ITIH4: variants seen among roughly 807,000 people sequenced by gnomAD.
ITIH4 encodes inter-alpha-trypsin inhibitor heavy chain 4.
ITIH4 carries 79 observed loss-of-function variants against 111.8 expected under a neutral mutation model. That is an observed-to-expected ratio of 0.71 (90% CI 0.59 to 0.85). The LOEUF is 0.85. Among genes scored for constraint, ITIH4 ranks in the 40% least tolerant of loss-of-function variants. The pLI, the probability that ITIH4 is intolerant of heterozygous loss-of-function variation, is 0.00. For missense variants in ITIH4, 1,065 were observed against 1,195.8 expected (o/e 0.89, Z 1.61); for synonymous variants, 472 against 468.3 (o/e 1.01, Z -0.10).
chr3:52,824,956 G>A lies in ITIH4; in HGVS notation c.762C>T (p.Ile254=), dbSNP rs377222475. The A allele has an allele frequency of 3.7e-6, 6 of 1,606,352 alleles. No homozygotes were observed. The highest frequency in any genetic ancestry group is 4.3e-6 in the Non-Finnish European group (5 of 1,174,710). Residue 254 remains isoleucine, a splice_region_variant and synonymous_variant, in exon 7 of 24, where the codon ATC becomes ATT. Coordinates refer to ENST00000266041, the MANE Select transcript of ITIH4 (RefSeq NM_002218.5). This position sits in a 1 kb window ranked among gnomAD's most constrained non-coding sequence, Gnocchi z 4.3. ...AGTAGTGTACAAAGTAGCCGTTCTC[G>A]ATCTGTGGCCAGAGTGAGACCCACC... ...DRAISGGSIQ[I]ENGYFVHYFA... is the part of the protein sequence containing the mutation.
Position 52,823,858 on chromosome 3 carries a change from T to C in ITIH4, c.1318A>G (p.Ile440Val). 1.2e-6 allele frequency: 2 copies of C among 1,613,788 alleles called. No individual in the cohort carries two copies. The highest frequency in any genetic ancestry group is 1.7e-6 in the Non-Finnish European group (2 of 1,179,988). ...AGGGCAGAGTCTGAGTCCTCATGGA[T>C]GCGCCGGGCCAGGCCGCCATTGTCC... ...ALDNGGLARR[I>V]HEDSDSALQL... is the part of the protein sequence containing the mutation. The change falls in exon 10 of 24, where the codon ATC becomes GTC. Residue 440 changes from isoleucine (I) to valine (V), a missense_variant. Ile to Val is a conservative substitution (Grantham distance 29). Coordinates refer to ENST00000266041, the MANE Select transcript of ITIH4 (RefSeq NM_002218.5).
chr3:52,823,531 C>T (rs377128346), intron 11 of ITIH4, 25 bp downstream of exon 11: 7 of 1,568,688 alleles, frequency 4.5e-6, no homozygotes, highest in African/African-American at 1.3e-5. Context: ...CCATTCCCCT[C>T]CAGGGTGGCT....
intron 11 of ITIH4, among the ~76,000 whole-genome samples, chr3:52,822,084 C>T (rs1437000761): frequency 6.6e-6 from 1 of 152,236 alleles, no homozygotes; most frequent in Non-Finnish European, 1.5e-5. Context: ...TGGCTCACGC[C>T]TGTAATCCCA....
rs1483054592 is a variant in ITIH4, at chr3:52,824,336, A to C, written c.1046-21T>G. On this transcript the variant is annotated intron_variant, in intron 8 of 23. Transcript: ENST00000266041. This position sits in a 1 kb window ranked among gnomAD's most constrained non-coding sequence, Gnocchi z 4.3. ...GGTCCCTGAGGAACACGCACTCTCA[A>C]GGTGGTCCCCAGCCAGGAGCCCTGG... 5 of 1,612,192 alleles carry C rather than the reference A, an allele frequency of 3.1e-6. No homozygotes were observed. The highest frequency in any genetic ancestry group is 4.2e-6 in the Non-Finnish European group (5 of 1,178,560).
Position 52,830,447 on chromosome 3 carries a change from T to C in ITIH4, c.90+106A>G, listed in dbSNP as rs776099897. On this transcript the variant is annotated intron_variant, in intron 1 of 23. Transcript: ENST00000266041. ...CACCATTTTTTTGCACACACAGGGA[T>C]GCACACGCACTTGTGCTGACACGCT... is the stretch of plus-strand genomic sequence containing the variant. The C allele has an allele frequency of 8.3e-6, 9 of 1,079,528 alleles. No homozygotes were observed. The South Asian group carries it at 8.7e-5, about 10-fold the overall frequency. 66.9% of individuals were successfully genotyped at this position (1,079,528 alleles called of 1,614,324 possible).
Position 52,820,001 on chromosome 3 carries a change from G to C in ITIH4, c.1862-11C>G, listed in dbSNP as rs541033385. The C allele has an allele frequency of 5.0e-6, 8 of 1,613,986 alleles. No individual in the cohort carries two copies. The highest frequency in any genetic ancestry group is 1.3e-5 in the African/African-American group (1 of 75,064). ...TGAAGAAAGTGGAACCTGGAAATCA[G>C]TGGGACCTGGGTTTGCATCTTGCAC... On this transcript the variant is annotated splice_polypyrimidine_tract_variant and intron_variant, in intron 14 of 23. Transcript: ENST00000266041.
chr3:52,821,055 T>C lies in ITIH4; in HGVS notation c.1615A>G (p.Ile539Val). Residue 539 changes from isoleucine to valine, a missense_variant, in exon 12 of 24, where the codon ATC (isoleucine) becomes GTC (valine). Physicochemically the swap from Ile to Val is conservative, Grantham distance 29. Coordinates refer to ENST00000266041, the MANE Select transcript of ITIH4 (RefSeq NM_002218.5). ...AGCCTCTCCATGAAGTTGTGGAAGA[T>C]ATACTTGGGGCTCTGGAACTCCGCC... ...QEAEFQSPKY[I>V]FHNFMERLWA... is the part of the protein sequence containing the mutation. 4 of 1,614,056 alleles carry C rather than the reference T, an allele frequency of 2.5e-6. No homozygotes were observed. Among genetic ancestry groups the C allele is most frequent in the Non-Finnish European group, 3.4e-6 (4 of 1,180,028 alleles).
chr3:52,830,322 G>GT, intron 1 of ITIH4: 1 of 623,634 alleles, frequency 1.6e-6, no homozygotes, highest in South Asian at 1.5e-5. Context: ...TTGTAAAACT[G>GT]TATTTCCTCA....
At chr3:52,814,416 C>A (rs1700243430) in intron 21 of ITIH4, 53 bp from the exon 22 acceptor site, 3 of 1,534,176 alleles carry the variant, frequency 2.0e-6, no homozygotes, top group Admixed American at 1.7e-5. Flanking sequence ...GTGCACAGAA[C>A]CTCAGTAGTC....
intron 2 of ITIH4, among the ~76,000 whole-genome samples, chr3:52,828,083 T>G (rs1296541758): frequency 6.6e-6 from 1 of 152,202 alleles, no homozygotes; most frequent in Admixed American, 6.5e-5. Context: ...GGGTAGGCAG[T>G]GCTTCATCTC....
At position 52,820,505 on chromosome 3, in the gene ITIH4, GA is replaced by G. The variant is rs1258912317; in HGVS notation, c.1834+125del. The G allele has an allele frequency of 4.8e-6, 6 of 1,262,516 alleles. No homozygotes were observed. The Admixed American group carries it at 1.1e-4, about 23-fold the overall frequency. The allele number at this position is 1,262,516 out of a possible 1,614,324, so 78.2% of individuals were successfully genotyped here. On this transcript the variant is annotated intron_variant, in intron 13 of 23. Transcript: ENST00000266041. ...CACTTTCCTCATCAGTGAATAGGCTGAATCTCCCAGGGGGAGTCTGTTGGGG... is the reference window on the plus strand; with the variant it reads ...CACTTTCCTCATCAGTGAATAGGCTGATCTCCCAGGGGGAGTCTGTTGGGG...
chr3:52,813,434 G>A lies in ITIH4; in HGVS notation c.2780C>T (p.Ser927Phe). The A allele has an allele frequency of 6.2e-7, 1 of 1,614,108 alleles. No individual in the cohort carries two copies. The highest frequency in any genetic ancestry group is 8.5e-7 in the Non-Finnish European group (1 of 1,179,980). Residue 927 changes from serine to phenylalanine, a missense_variant, in exon 24 of 24, where the codon TCT (serine) becomes TTT (phenylalanine). Ser to Phe is a radical substitution (Grantham distance 155). Coordinates refer to ENST00000266041, the MANE Select transcript of ITIH4 (RefSeq NM_002218.5). The part of the protein sequence containing the change: ...GPPGVEISCW[S>F]VEL Reference sequence around the variant, plus strand: ...CTTCCATCAGAACTACAGCTCCACAGACCAGCAGGAAATCTCCACTCCCGG... The same window carrying A: ...CTTCCATCAGAACTACAGCTCCACAAACCAGCAGGAAATCTCCACTCCCGG...
intron 11 of ITIH4, 34 bp from the exon 12 acceptor site, chr3:52,821,164 T>C (rs1207847468): frequency 1.2e-6 from 2 of 1,601,656 alleles, no homozygotes; most frequent in Admixed American, 3.4e-5. Flanking sequence ...GCAGGAGCAG[T>C]GAGGGCCGGA....
Position 52,813,189 on chromosome 3 carries a change from T to A in ITIH4, c.*232A>T, listed in dbSNP as rs1157179685. ...TTCCTGGCCATGGGCTCTTGAGAGCTGACAGTGGAAGCTTCTGTGTTCCAC... is the reference window on the plus strand; with the variant it reads ...TTCCTGGCCATGGGCTCTTGAGAGCAGACAGTGGAAGCTTCTGTGTTCCAC... On this transcript the variant is annotated 3_prime_UTR_variant, in exon 24 of 24. Coordinates refer to ENST00000266041, the MANE Select transcript of ITIH4 (RefSeq NM_002218.5). 1.9e-6 allele frequency: 1 copy of A among 531,002 alleles called. No homozygotes were observed. Among genetic ancestry groups the A allele is most frequent in the Non-Finnish European group, 3.4e-6 (1 of 297,330 alleles). 32.9% of individuals were successfully genotyped at this position (531,002 alleles called of 1,614,324 possible). A position where few individuals can be genotyped will look rare whatever the true frequency, so the allele number is the denominator to read the frequency against.
rs780014810 is a variant in ITIH4, at chr3:52,820,699, G to A, written c.1766C>T (p.Thr589Ile). ...ATCGGGTTTGGTGACTACCATAGAT[G>A]TGAGAGGCGTGACAAAGCTGTAGGC... ...SLAYSFVTPL[T>I]SMVVTKPDDQ... is the part of the protein sequence containing the mutation. Residue 589 changes from threonine to isoleucine, a missense_variant, in exon 13 of 24, where the codon ACA becomes ATA. Coordinates refer to ENST00000266041, the MANE Select transcript of ITIH4 (RefSeq NM_002218.5). 2 of 1,614,136 alleles carry A rather than the reference G, an allele frequency of 1.2e-6. No individual in the cohort carries two copies. The highest frequency in any genetic ancestry group is 2.2e-5 in the East Asian group (1 of 44,888).
chr3:52,815,601 T>C (rs1700268487), intron 21 of ITIH4, among the ~76,000 whole-genome samples: 1 of 152,220 alleles, frequency 6.6e-6, no homozygotes. Flanking sequence ...TCCCTACAAT[T>C]AATAGGATTT....
rs1193358134 is a variant in ITIH4 at position 52,817,043 on chromosome 3, C to T, written c.2312G>A (p.Gly771Asp). ...CCCAGCCTTCTCCCTCTCATACTGG[C>T]CAGTCACCTCAACCCCTGGGAGGAC... ...SDPEQGVEVTGQYEREKAGFS... is the reference protein window; with the variant it reads ...SDPEQGVEVTDQYEREKAGFS... The change falls in exon 21 of 24, where the codon GGC (glycine) becomes GAC (aspartate). Residue 771 changes from glycine (G) to aspartate (D), a missense_variant. By Grantham distance (94) the Gly-to-Asp change is moderately conservative. Coordinates refer to ENST00000266041, the MANE Select transcript of ITIH4 (RefSeq NM_002218.5). The T allele has an allele frequency of 2.5e-6, 4 of 1,613,478 alleles. No individual in the cohort carries two copies. Among genetic ancestry groups the T allele is most frequent in the Non-Finnish European group, 3.4e-6 (4 of 1,179,748 alleles).
chr3:52,824,688 G>A lies in ITIH4; in HGVS notation c.877-123C>T. ...GTCATGGTATCTGCTCTAGGAACAG[G>A]GGCTGCCCTAGGCTCTGGCCAACCT... On this transcript the variant is annotated intron_variant, in intron 7 of 23. Coordinates refer to ENST00000266041, the MANE Select transcript of ITIH4 (RefSeq NM_002218.5). This position sits in a 1 kb window ranked among gnomAD's most constrained non-coding sequence, Gnocchi z 4.3. The A allele has an allele frequency of 7.7e-7, 1 of 1,300,168 alleles. No homozygotes were observed. Among genetic ancestry groups the A allele is most frequent in the Non-Finnish European group, 1.1e-6 (1 of 937,780 alleles). The allele number at this position is 1,300,168 out of a possible 1,614,324, so 80.5% of individuals were successfully genotyped here. A position where few individuals can be genotyped will look rare whatever the true frequency, so the allele number is the denominator to read the frequency against.
intron 17 of ITIH4, chr3:52,818,988 A>G (rs1700327128): frequency 6.8e-6 from 2 of 293,594 alleles, no homozygotes; most frequent in Admixed American, 4.8e-5. Flanking sequence ...GAGCGCTGTG[A>G]TGTGCATGCT....
Sources: gnomAD v4.1 joint callset for allele counts (sites outside exome capture counted in the v4.1 genomes callset) on GRCh38, gnomAD v4.1.1 for gene constraint, Gnocchi (gnomAD v3.1) non-coding constraint, MANE v1.5 for transcripts, NCBI Gene and HGNC (gene_info 2026-07-23, HGNC 2026-07-21) for gene names.